The following POC1B variants were observed in gnomAD, a reference collection of about 807,000 sequenced individuals.
POC1B encodes POC1 centriolar protein B.
In POC1B, 44 loss-of-function variants were observed where a neutral mutation model predicts 60.6. That is an observed-to-expected ratio of 0.73 (90% confidence interval 0.57 to 0.93). The LOEUF (loss-of-function observed/expected upper bound fraction) is 0.93. POC1B is among the 40% of genes least tolerant of loss of function. The pLI is 0.00. For synonymous variants in POC1B, 180 were observed against 198.9 expected, an observed-to-expected ratio of 0.90 and a Z score of 0.80; for missense variants, 555 against 572.3, an observed-to-expected ratio of 0.97 and a Z score of 0.31.
rs190665294 is a variant in POC1B at position 89,454,693 on chromosome 12, C to T, written c.1113+4945G>A. ...GGCCATACTAGCTAAAATGGCAGCC[C>T]TCTACCTATCTTTTCCTCTCTGCCT... On this transcript the variant is annotated intron_variant, in intron 10 of 11. Transcript: ENST00000313546. Among the ~76,000 whole-genome samples, 34 of 152,302 alleles carry T rather than the reference C, an allele frequency of 2.2e-4. No homozygotes were observed. The East Asian group carries it at 6.4e-3, about 28-fold the overall frequency.
At chr12:89,495,606 T>A (rs1484515364) in intron 3 of POC1B, among the ~76,000 whole-genome samples, 1 of 152,126 alleles carries the variant, frequency 6.6e-6, no homozygotes, top group Non-Finnish European at 1.5e-5. Context: ...CAAATTCTTA[T>A]CTTCTAAAGC....
chr12:89,412,340 T>C, the POC1B span, among the ~76,000 whole-genome samples: 2 of 148,230 alleles, frequency 1.3e-5, no homozygotes, highest in Admixed American at 1.4e-4. Flanking sequence ...TTTTTTCTTT[T>C]TCTTTGTTTC....
chr12:89,492,387 T>C (rs964785883), intron 3 of POC1B, among the ~76,000 whole-genome samples: 3 of 152,008 alleles, frequency 2.0e-5, no homozygotes, highest in Admixed American at 2.0e-4. Context: ...ATTTGAGAAG[T>C]AGAAAACCTT....
At chr12:89,442,834 T>C (rs1167811120) in intron 10 of POC1B, among the ~76,000 whole-genome samples, 1 of 152,124 alleles carries the variant, frequency 6.6e-6, no homozygotes, top group African/African-American at 2.4e-5. Context: ...TCAAGACCCA[T>C]CAGTGTGCTG....
intron 2 of POC1B, chr12:89,520,938 T>A (rs1451014406): frequency 6.6e-6 from 1 of 152,180 alleles, no homozygotes; most frequent in Non-Finnish European, 1.5e-5. Context: ...GTAATTTAGT[T>A]TGGAAATATT....
chr12:89,418,872 A>G (rs1880418450), downstream of POC1B, among the ~76,000 whole-genome samples: 1 of 152,168 alleles, frequency 6.6e-6, no homozygotes, highest in African/African-American at 2.4e-5. Context: ...TAAATTATCC[A>G]GCCTCAGGTA....
downstream of POC1B, among the ~76,000 whole-genome samples, chr12:89,415,371 C>T (rs1405928810): frequency 6.6e-6 from 1 of 151,848 alleles, no homozygotes; most frequent in Non-Finnish European, 1.5e-5. Flanking sequence ...TAGCCGGGTG[C>T]GGTGGCTCAC....
At chr12:89,416,267 G>A (rs1450101971), downstream of POC1B, among the ~76,000 whole-genome samples, 1 of 152,146 alleles carries the variant, frequency 6.6e-6, no homozygotes, top group Non-Finnish European at 1.5e-5. Flanking sequence ...GAAAAAGAAT[G>A]AAGGGATACG....
chr12:89,504,518 T>G (rs1869798238), intron 2 of POC1B, among the ~76,000 whole-genome samples: 3 of 151,992 alleles, frequency 2.0e-5, no homozygotes, highest in African/African-American at 7.3e-5. Flanking sequence ...TTTGTTCACT[T>G]GTTTATCTGC....
intron 9 of POC1B, among the ~76,000 whole-genome samples, chr12:89,465,495 C>T (rs1843502625): frequency 6.6e-6 from 1 of 151,928 alleles, no homozygotes; most frequent in African/African-American, 2.4e-5. Context: ...ATAAAACCAA[C>T]TTGGATAATA....
intron 9 of POC1B, among the ~76,000 whole-genome samples, chr12:89,464,483 G>GTTTTT (rs766668019): frequency 0.016 from 1,553 of 94,670 alleles, 20 homozygotes; most frequent in African/African-American, 0.02. Flanking sequence ...TTTTATAAGA[G>GTTTTT]TTTTTTTTTT....
intron 3 of POC1B, among the ~76,000 whole-genome samples, chr12:89,496,009 C>T (rs1869227534): frequency 6.6e-6 from 1 of 152,124 alleles, no homozygotes; most frequent in South Asian, 2.1e-4. Flanking sequence ...GATCTGCCTG[C>T]CTTGGCCTCC....
At chr12:89,469,853 C>A (rs774950273) in intron 7 of POC1B, among the ~76,000 whole-genome samples, 1 of 148,958 alleles carries the variant, frequency 6.7e-6, no homozygotes, top group Non-Finnish European at 1.5e-5. Context: ...AGAATTACAA[C>A]AAATAATATT....
intron 10 of POC1B, among the ~76,000 whole-genome samples, chr12:89,439,049 C>T (rs985957737): frequency 7.2e-5 from 11 of 152,252 alleles, no homozygotes; most frequent in African/African-American, 2.7e-4. Flanking sequence ...GCTTACATAT[C>T]TCTCAAACGA....
At chr12:89,463,416 G>A (rs935158022) in intron 9 of POC1B, among the ~76,000 whole-genome samples, 5 of 146,078 alleles carry the variant, frequency 3.4e-5, no homozygotes, top group East Asian at 2.2e-4. Flanking sequence ...CTGCTGCTCC[G>A]GAGAAAAATA....
intron 9 of POC1B, 189 bp from the exon 10 acceptor site, chr12:89,459,907 G>A (rs915736205): frequency 1.8e-5 from 9 of 496,984 alleles, no homozygotes; most frequent in African/African-American, 1.8e-4. Flanking sequence ...TATAAGAAAA[G>A]ATCATTTTGG....
chr12:89,408,422 G>A, the POC1B span, among the ~76,000 whole-genome samples: 11 of 151,690 alleles, frequency 7.3e-5, no homozygotes, highest in Admixed American at 7.2e-4. Flanking sequence ...CACTCCCACC[G>A]ACAGTGTAAA....
intron 11 of POC1B, among the ~76,000 whole-genome samples, chr12:89,422,156 C>A (rs2120635681): frequency 6.6e-6 from 1 of 152,082 alleles, no homozygotes; most frequent in East Asian, 1.9e-4. Flanking sequence ...AAACCATCAC[C>A]CATAGCAAGA....
At position 89,432,106 on chromosome 12, in the gene POC1B, G is replaced by A. The variant is rs981592206; in HGVS notation, c.1114-6727C>T. On this transcript the variant is annotated intron_variant, in intron 10 of 11. Transcript: ENST00000313546. The stretch of plus-strand genomic sequence containing the variant: ...CCATCTCAAGAGCCTTAACTTGGCC[G>A]GGCATGGTGGCTCATGCCTGTAATC... Among the ~76,000 whole-genome samples the A allele has an allele frequency of 4.6e-5, 7 of 152,000 alleles. No homozygotes were observed. The East Asian group carries it at 9.6e-4, about 21-fold the overall frequency.
Sources: gnomAD v4.1 joint callset for allele counts (sites outside exome capture counted in the v4.1 genomes callset) on GRCh38, gnomAD v4.1.1 for gene constraint, MANE v1.5 for transcripts, NCBI Gene and HGNC (gene_info 2026-07-23, HGNC 2026-07-21) for gene names.